BICRAL: variants seen among roughly 807,000 people sequenced by gnomAD.
BICRAL encodes the protein BRD4-interacting chromatin-remodeling complex-associated protein-like.
A neutral mutation model predicts 91.8 loss-of-function variants in BICRAL; 8 were observed. The observed-to-expected ratio is 0.09, with a 90% CI of 0.05 to 0.16. The LOEUF (loss-of-function observed/expected upper bound fraction) is 0.16, where lower values mean the gene tolerates loss of function less well. Among genes scored for constraint, BICRAL ranks in the 10% least tolerant of loss-of-function variants. The pLI is 1.00. For synonymous variants in BICRAL, 445 were observed against 491.1 expected, an observed-to-expected ratio of 0.91 and a Z score of 1.24; for missense variants, 1,038 against 1,310.9, an observed-to-expected ratio of 0.79 and a Z score of 3.21.
At chr6:42,833,542 G>C (rs1422808790) in intron 6 of BICRAL, among the ~76,000 whole-genome samples, 1 of 151,600 alleles carries the variant, frequency 6.6e-6, no homozygotes, top group African/African-American at 2.4e-5. Flanking sequence ...CCACCTCCTG[G>C]GTTCAAGCAA....
upstream of BICRAL, among the ~76,000 whole-genome samples, chr6:42,777,161 CA>C (rs1264938002): frequency 2.6e-5 from 4 of 152,308 alleles, no homozygotes; most frequent in Admixed American, 6.5e-5. Context: ...GGGAAGATCT[CA>C]CAGGGCTTAA....
intron 1 of BICRAL, among the ~76,000 whole-genome samples, chr6:42,790,966 G>T (rs568941607): frequency 5.3e-5 from 8 of 152,116 alleles, no homozygotes; most frequent in African/African-American, 1.9e-4. Flanking sequence ...TAAAAGGAAA[G>T]CCCTGAGGTG....
intron 6 of BICRAL, among the ~76,000 whole-genome samples, chr6:42,834,068 G>C (rs915912307): frequency 6.6e-6 from 1 of 152,180 alleles, no homozygotes; most frequent in Non-Finnish European, 1.5e-5. Context: ...TGGCCAGGCT[G>C]GTCTCGAACT....
At chr6:42,758,587 C>T (rs1327306577) in intron 1 of BICRAL, among the ~76,000 whole-genome samples, 5 of 151,940 alleles carry the variant, frequency 3.3e-5, no homozygotes, top group South Asian at 4.1e-4. Flanking sequence ...CAGTGTGGTA[C>T]GATTTACACT....
intron 6 of BICRAL, among the ~76,000 whole-genome samples, chr6:42,844,126 AT>A (rs1330762590): frequency 2.7e-5 from 4 of 150,162 alleles, no homozygotes; most frequent in Non-Finnish European, 4.4e-5. Context: ...AACTGAAGCA[AT>A]GGGAGTGGAG....
At chr6:42,770,514 A>G (rs1762703256) in intron 1 of BICRAL, among the ~76,000 whole-genome samples, 1 of 150,998 alleles carries the variant, frequency 6.6e-6, no homozygotes. Context: ...TCCCAGGTTC[A>G]AGCGATTCTT....
intron 1 of BICRAL, among the ~76,000 whole-genome samples, chr6:42,770,385 T>A (rs763816292): frequency 6.7e-6 from 1 of 150,206 alleles, no homozygotes; most frequent in Non-Finnish European, 1.5e-5. Context: ...CGTGCCACCA[T>A]GCCCGGCTAA....
chr6:42,749,504 T>C (rs562990752), intron 1 of BICRAL, among the ~76,000 whole-genome samples: 1 of 152,292 alleles, frequency 6.6e-6, no homozygotes, highest in East Asian at 1.9e-4. Context: ...AATAATGTAT[T>C]GTACATTTCA....
intron 2 of BICRAL, among the ~76,000 whole-genome samples, chr6:42,817,510 C>A (rs1352062991): frequency 6.7e-6 from 1 of 150,214 alleles, no homozygotes; most frequent in Non-Finnish European, 1.5e-5. Flanking sequence ...GAGTCTGGCT[C>A]TGTCGCTTTG....
chr6:42,747,286 C>T (rs1026735248), intron 1 of BICRAL, among the ~76,000 whole-genome samples: 1 of 152,174 alleles, frequency 6.6e-6, no homozygotes, highest in African/African-American at 2.4e-5. Context: ...ATGCTTCGCT[C>T]AGATCTGCGG....
chr6:42,832,083 C>A (rs569656062), intron 6 of BICRAL, among the ~76,000 whole-genome samples: 31 of 151,782 alleles, frequency 2.0e-4, no homozygotes, highest in Admixed American at 2.0e-3. Flanking sequence ...AGCTGTGGTT[C>A]ATGCCTGTAA....
intron 1 of BICRAL, among the ~76,000 whole-genome samples, chr6:42,783,322 G>A (rs1184562070): frequency 6.6e-6 from 1 of 152,128 alleles, no homozygotes; most frequent in Non-Finnish European, 1.5e-5. Context: ...TGTTCGCCGC[G>A]CCGGCCAGAA....
chr6:42,824,699 A>C (rs1004998517), intron 5 of BICRAL, among the ~76,000 whole-genome samples: 4 of 152,264 alleles, frequency 2.6e-5, no homozygotes, highest in African/African-American at 9.6e-5. Context: ...ACCTTGTTAC[A>C]TAATAATCTT....
chr6:42,775,743 A>G (rs761268891), intron 1 of BICRAL, among the ~76,000 whole-genome samples: 8 of 152,106 alleles, frequency 5.3e-5, no homozygotes, highest in Non-Finnish European at 1.0e-4. Flanking sequence ...GATTTTTTTT[A>G]AGTCTGTCAA....
chr6:42,796,089 T>C (rs572810628), intron 1 of BICRAL, among the ~76,000 whole-genome samples: 8 of 152,326 alleles, frequency 5.3e-5, no homozygotes, highest in African/African-American at 1.9e-4. Flanking sequence ...GAGCACATAA[T>C]GTGTGCCAGG....
chr6:42,856,141 A>T (rs1478026017), intron 9 of BICRAL, among the ~76,000 whole-genome samples: 1 of 151,906 alleles, frequency 6.6e-6, no homozygotes, highest in Non-Finnish European at 1.5e-5. Context: ...CAGCCTGGGC[A>T]ACATGGCTCT....
intron 6 of BICRAL, among the ~76,000 whole-genome samples, chr6:42,832,334 AGAGT>A (rs1374413073): frequency 6.7e-6 from 1 of 150,040 alleles, no homozygotes; most frequent in Non-Finnish European, 1.5e-5. Context: ...GGCAACAGAC[AGAGT>A]GAGACTCCAT....
chr6:42,779,766 G>A (rs896323943), upstream of BICRAL, among the ~76,000 whole-genome samples: 8 of 152,110 alleles, frequency 5.3e-5, no homozygotes, highest in Non-Finnish European at 1.2e-4. Context: ...GACTACAGGT[G>A]CATGCCACCA....
intron 1 of BICRAL, among the ~76,000 whole-genome samples, chr6:42,808,373 G>A (rs968160356): frequency 2.0e-5 from 3 of 151,884 alleles, no homozygotes; most frequent in African/African-American, 7.3e-5. Context: ...TCAGGTGATC[G>A]CCTGCCTCAG....
Sources: gnomAD v4.1 joint callset for allele counts (sites outside exome capture counted in the v4.1 genomes callset) on GRCh38, gnomAD v4.1.1 for gene constraint, MANE v1.5 for transcripts, NCBI Gene and HGNC (gene_info 2026-07-23, HGNC 2026-07-21) for gene names.